The following VCPIP1 variants were observed in gnomAD, a reference collection of about 807,000 sequenced individuals.
The protein encoded by VCPIP1 is deubiquitinating protein VCPIP1.
Under a neutral mutation model 85.0 loss-of-function variants are expected in VCPIP1, and 8 were observed. The ratio of observed to expected loss-of-function variants is 0.09; its 90% CI spans 0.06 to 0.17. The LOEUF (loss-of-function observed/expected upper bound fraction) is 0.17, where lower values mean the gene tolerates loss of function less well. Among genes scored for constraint, VCPIP1 ranks in the 10% least tolerant of loss-of-function variants. The pLI is 1.00. For synonymous variants in VCPIP1, 543 were observed against 544.5 expected, an observed-to-expected ratio of 1.00 and a Z score of 0.04; for missense variants, 1,070 against 1,486.3, an observed-to-expected ratio of 0.72 and a Z score of 4.61.
At chr8:66,636,437 T>C (rs911746174) in intron 2 of VCPIP1, among the ~76,000 whole-genome samples, 1 of 151,884 alleles carries the variant, frequency 6.6e-6, no homozygotes, top group South Asian at 2.1e-4. Flanking sequence ...TGGAAGTATA[T>C]GCAGTTATTA....
At chr8:66,638,704 A>G (rs959932836) in intron 2 of VCPIP1, among the ~76,000 whole-genome samples, 5 of 151,674 alleles carry the variant, frequency 3.3e-5, no homozygotes, top group South Asian at 2.1e-4. Flanking sequence ...GTGTGAACCC[A>G]GGAGGCAGAG....
intron 1 of VCPIP1, among the ~76,000 whole-genome samples, chr8:66,655,980 A>G (rs1811096271): frequency 6.6e-6 from 1 of 152,110 alleles, no homozygotes; most frequent in Admixed American, 6.5e-5. Context: ...AACAGTAGCT[A>G]TATATGGCAG....
intron 1 of VCPIP1, among the ~76,000 whole-genome samples, chr8:66,662,798 C>A (rs1278901696): frequency 6.6e-6 from 1 of 151,866 alleles, no homozygotes; most frequent in African/African-American, 2.4e-5. Context: ...TCTCCTGCCT[C>A]AGCCTCCAGA....
At chr8:66,663,544 C>T (rs1460180324) in intron 1 of VCPIP1, among the ~76,000 whole-genome samples, 2 of 152,178 alleles carry the variant, frequency 1.3e-5, no homozygotes, top group Non-Finnish European at 2.9e-5. Flanking sequence ...CTTTAAATTA[C>T]ACATTTGGTT....
intron 1 of VCPIP1, among the ~76,000 whole-genome samples, chr8:66,660,332 G>A (rs74907720): frequency 0.021 from 3,125 of 152,222 alleles, 56 homozygotes; most frequent in Non-Finnish European, 0.033. Flanking sequence ...TAATATAGTG[G>A]GGGAGGCAAA....
intron 2 of VCPIP1, among the ~76,000 whole-genome samples, chr8:66,637,296 G>T (rs1810897047): frequency 3.3e-5 from 5 of 152,006 alleles, no homozygotes; most frequent in Admixed American, 3.3e-4. Flanking sequence ...GCTGCAGTGA[G>T]CTATTACTGA....
rs1315196831 is a variant in VCPIP1, at chr8:66,665,866, C to T, written c.1093G>A (p.Ala365Thr). 2 of 1,614,100 alleles carry T rather than the reference C, an allele frequency of 1.2e-6. No individual in the cohort carries two copies. Among genetic ancestry groups the T allele is most frequent in the African/African-American group, 2.7e-5 (2 of 74,946 alleles). ...AAATTCATAGGCAGTTTGGGCAAAG[C>T]AGCCCCTTTTATGCCTACCAAGGGG... ...YIPLVGIKGA[A>T]LPKLPMNLLP... The change falls in exon 1 of 3, where the codon GCT (alanine) becomes ACT (threonine). Residue 365 changes from alanine to threonine, a missense_variant. Coordinates refer to ENST00000310421, the MANE Select transcript of VCPIP1 (RefSeq NM_025054.5). The surrounding 1 kb of genome is among the most constrained non-coding windows in gnomAD (Gnocchi z 4.3).
At chr8:66,645,801 C>T (rs1038358501) in intron 2 of VCPIP1, among the ~76,000 whole-genome samples, 2 of 149,170 alleles carry the variant, frequency 1.3e-5, no homozygotes, top group Non-Finnish European at 3.0e-5. Flanking sequence ...CGTGGTGGTG[C>T]GCACCTGTAG....
intron 1 of VCPIP1, among the ~76,000 whole-genome samples, chr8:66,657,423 A>T (rs1811111561): frequency 6.6e-6 from 1 of 152,220 alleles, no homozygotes; most frequent in South Asian, 2.1e-4. Flanking sequence ...TCATTTGCTG[A>T]AAGAATTGTT....
rs1186865905 is a variant in VCPIP1 at position 66,629,028 on chromosome 8, G to T, written c.*5473C>A. 6.6e-6 allele frequency: 1 copy of T among 152,196 alleles called. No homozygotes were observed. The highest frequency in any genetic ancestry group is 1.5e-5 in the Non-Finnish European group (1 of 68,032). The allele number at this position is 152,196 out of a possible 1,614,324, so 9.4% of individuals were successfully genotyped here. On this transcript the variant is annotated 3_prime_UTR_variant, in exon 3 of 3. Transcript: ENST00000310421. Reference sequence around the variant, plus strand: ...ATGTACAAGTAAAATAAGTTTTAATGTAACAAATTATTTAAATAATGTGTG... The same window carrying T: ...ATGTACAAGTAAAATAAGTTTTAATTTAACAAATTATTTAAATAATGTGTG...
rs1185124367 is a variant in VCPIP1, at chr8:66,628,726, C to T, written c.*5775G>A. The T allele has an allele frequency of 2.0e-5, 3 of 152,160 alleles. No homozygotes were observed. The highest frequency in any genetic ancestry group is 7.2e-5 in the African/African-American group (3 of 41,430). The allele number at this position is 152,160 out of a possible 1,614,324, so 9.4% of individuals were successfully genotyped here. The stretch of plus-strand genomic sequence containing the variant: ...AGTTTGGGATAACTGTAGCCAACAC[C>T]TAAAGGAAAGGTAATTATGTTTTAG... On this transcript the variant is annotated 3_prime_UTR_variant, in exon 3 of 3. Coordinates refer to ENST00000310421, the MANE Select transcript of VCPIP1 (RefSeq NM_025054.5).
Position 66,666,845 on chromosome 8 carries a change from C to T in VCPIP1, c.114G>A (p.Lys38=). The change falls in exon 1 of 3, where the codon AAG becomes AAA. Residue 38 remains lysine (K), a synonymous_variant. Transcript: ENST00000310421. This position sits in a 1 kb window ranked among gnomAD's most constrained non-coding sequence, Gnocchi z 6.3. ...ASAAASGGLL[K]RRDRRILSGS... Reference sequence around the variant, plus strand: ...CGGAAAGGATTCTCCGGTCTCTCCGCTTCAAAAGCCCCCCCGAAGCAGCCG... The same window carrying T: ...CGGAAAGGATTCTCCGGTCTCTCCGTTTCAAAAGCCCCCCCGAAGCAGCCG... 14 of 1,613,554 alleles carry T rather than the reference C, an allele frequency of 8.7e-6. No individual in the cohort carries two copies. Among genetic ancestry groups the T allele is most frequent in the Non-Finnish European group, 1.2e-5 (14 of 1,179,976 alleles).
intron 1 of VCPIP1, among the ~76,000 whole-genome samples, chr8:66,659,397 G>A (rs2130178315): frequency 6.6e-6 from 1 of 151,976 alleles, no homozygotes; most frequent in Non-Finnish European, 1.5e-5. Flanking sequence ...ATTACTTTGT[G>A]GTCTGGATAA....
chr8:66,643,709 T>C (rs1306209082), intron 2 of VCPIP1, among the ~76,000 whole-genome samples: 1 of 146,762 alleles, frequency 6.8e-6, no homozygotes, highest in Non-Finnish European at 1.5e-5. Flanking sequence ...TCTCAAAAAG[T>C]AAAATAAAGA....
chr8:66,661,224 G>A (rs1367555853), intron 1 of VCPIP1, among the ~76,000 whole-genome samples: 1 of 152,112 alleles, frequency 6.6e-6, no homozygotes, highest in African/African-American at 2.4e-5. Flanking sequence ...CCCAAATTTT[G>A]TGTTGGTAGT....
rs1180259925 is a variant in VCPIP1 at position 66,636,236 on chromosome 8, CAAAAAAAAAAA to C, written c.2798-875_2798-865del. 9.3e-3 allele frequency among the ~76,000 whole-genome samples: 388 copies of C among 41,542 alleles called. 10 individuals are homozygous for C. In the East Asian group the frequency reaches 0.21, roughly 23 times the overall value. The allele number at this position is 41,542 out of a possible 152,430, so 27.3% of individuals were successfully genotyped here. On this transcript the variant is annotated intron_variant, in intron 2 of 2. Transcript: ENST00000310421. ...TGGGTGACAAAGCAAGACTCCATCT[CAAAAAAAAAAA>C]AAAAAAAAAAAAAGGTTTTGCAGGT...
At chr8:66,640,209 CTG>C (rs1810933639) in intron 2 of VCPIP1, among the ~76,000 whole-genome samples, 2 of 152,276 alleles carry the variant, frequency 1.3e-5, no homozygotes, top group African/African-American at 4.8e-5. Flanking sequence ...TTTCAAATGG[CTG>C]TGTTATAGTC....
intron 2 of VCPIP1, among the ~76,000 whole-genome samples, chr8:66,641,694 T>C (rs1398860934): frequency 6.6e-6 from 1 of 152,272 alleles, no homozygotes; most frequent in Non-Finnish European, 1.5e-5. Flanking sequence ...TTTCACTATA[T>C]GCTCTTTTGT....
At chr8:66,645,230 C>T (rs1382412284) in intron 2 of VCPIP1, among the ~76,000 whole-genome samples, 1 of 151,632 alleles carries the variant, frequency 6.6e-6, no homozygotes, top group Non-Finnish European at 1.5e-5. Context: ...CCAGCTTGGC[C>T]GACATAGTGA....
Sources: allele counts gnomAD v4.1 joint callset (sites outside exome capture counted in the v4.1 genomes callset), GRCh38; gene constraint gnomAD v4.1.1; non-coding constraint Gnocchi (gnomAD v3.1); transcripts MANE v1.5; gene names NCBI Gene and HGNC (gene_info 2026-07-23, HGNC 2026-07-21).